Variants in CRPPA observed in about 807,000 individuals in gnomAD.
CRPPA encodes the protein CDP-L-ribitol pyrophosphorylase A.
In CRPPA, 43 loss-of-function variants were observed where a neutral mutation model predicts 52.0. The observed-to-expected ratio is 0.83, with a 90% CI of 0.65 to 1.07. The LOEUF is 1.07. CRPPA is among the 50% of genes least tolerant of loss of function. CRPPA has a pLI of 0.00. For missense variants in CRPPA, 629 were observed against 551.7 expected (o/e 1.14, Z -1.40); for synonymous variants, 250 against 203.5 (o/e 1.23, Z -1.94).
At chr7:16,113,837 T>C (rs777244263) in intron 9 of CRPPA, among the ~76,000 whole-genome samples, 1 of 151,924 alleles carries the variant, frequency 6.6e-6, no homozygotes, top group Non-Finnish European at 1.5e-5. Flanking sequence ...GTAACTCACA[T>C]GGAAGGAAAA....
chr7:16,220,969 A>G (rs1394318695), intron 8 of CRPPA, among the ~76,000 whole-genome samples: 2 of 152,094 alleles, frequency 1.3e-5, no homozygotes, highest in Non-Finnish European at 2.9e-5. Flanking sequence ...GGAACCAAAA[A>G]AGAGCCCGCA....
intron 8 of CRPPA, among the ~76,000 whole-genome samples, chr7:16,236,950 G>GCGCA (rs113087076): frequency 2.0e-3 from 293 of 149,688 alleles, no homozygotes; most frequent in African/African-American, 3.9e-3. Flanking sequence ...TCGTGCGCGC[G>GCGCA]CACACACACA....
At chr7:16,387,922 C>T (rs1787331931) in intron 2 of CRPPA, among the ~76,000 whole-genome samples, 1 of 152,140 alleles carries the variant, frequency 6.6e-6, no homozygotes, top group East Asian at 1.9e-4. Flanking sequence ...CAAAATCATA[C>T]CAAGTATAGT....
rs988983470 is a variant in CRPPA, at chr7:16,328,189, T to C, written c.685-19562A>G. Among the ~76,000 whole-genome samples the C allele has an allele frequency of 4.6e-5, 7 of 152,342 alleles. No homozygotes were observed. The East Asian group carries it at 1.4e-3, about 29-fold the overall frequency. On this transcript the variant is annotated intron_variant, in intron 3 of 9. Coordinates refer to ENST00000407010, the MANE Select transcript of CRPPA (RefSeq NM_001101426.4). ...GGATACTTAAGTCTTTTTATTTTCA[T>C]GGTTTCTCCTCCTGTAGTTTGTTGT...
intron 3 of CRPPA, among the ~76,000 whole-genome samples, chr7:16,346,195 G>A: frequency 6.6e-6 from 1 of 152,064 alleles, no homozygotes; most frequent in East Asian, 1.9e-4. Flanking sequence ...ACAAGATAAA[G>A]TCCCTGCCTT....
rs181106867 is a variant in CRPPA, at chr7:16,383,452, C to A, written c.535-7211G>T. The stretch of plus-strand genomic sequence containing the variant: ...TGCTTGGGGGTCAGGGGTCAGGGAC[C>A]CACTTGAGGAGGCAGTCTGCCCATT... On this transcript the variant is annotated intron_variant, in intron 2 of 9. Transcript: ENST00000407010. Among the ~76,000 whole-genome samples, 790 of 152,274 alleles carry A rather than the reference C, an allele frequency of 5.2e-3. 8 individuals carry two copies. The highest frequency in any genetic ancestry group is 6.1e-3 in the Non-Finnish European group (414 of 68,018).
intron 2 of CRPPA, among the ~76,000 whole-genome samples, chr7:16,390,336 C>T (rs919752995): frequency 6.6e-6 from 1 of 152,100 alleles, no homozygotes; most frequent in African/African-American, 2.4e-5. Context: ...TAAAGCCCAA[C>T]TCTGAATTAT....
At chr7:16,166,449 T>G (rs149567257) in intron 9 of CRPPA, among the ~76,000 whole-genome samples, 1 of 152,076 alleles carries the variant, frequency 6.6e-6, no homozygotes, top group Non-Finnish European at 1.5e-5. Flanking sequence ...CCAGCTAATA[T>G]TTGTATTTTT....
chr7:16,105,019 A>G (rs539126373), intron 9 of CRPPA, among the ~76,000 whole-genome samples: 1 of 152,312 alleles, frequency 6.6e-6, no homozygotes, highest in African/African-American at 2.4e-5. Context: ...TCAGGAGAAA[A>G]CAGTGAAAAC....
rs1583406531 is a variant in CRPPA, at chr7:16,171,711, T to C, written c.1251+44355A>G. Among the ~76,000 whole-genome samples the C allele has an allele frequency of 3.3e-5, 5 of 152,314 alleles. No homozygotes were observed. The South Asian group carries it at 1.0e-3, about 32-fold the overall frequency. On this transcript the variant is annotated intron_variant, in intron 9 of 9. Transcript: ENST00000407010. ...AGGAGGCTGAGGCAGGAGAACTGCGTGAACCCAGGAGGCGGAGCTTGCAGT... is the reference window on the plus strand; with the variant it reads ...AGGAGGCTGAGGCAGGAGAACTGCGCGAACCCAGGAGGCGGAGCTTGCAGT...
intron 3 of CRPPA, among the ~76,000 whole-genome samples, chr7:16,351,320 T>C (rs1479884973): frequency 6.6e-6 from 1 of 152,154 alleles, no homozygotes; most frequent in Non-Finnish European, 1.5e-5. Context: ...GAGGAAAACC[T>C]AGGTAATACC....
chr7:16,383,779 G>T (rs145863977), intron 2 of CRPPA, among the ~76,000 whole-genome samples: 1 of 152,256 alleles, frequency 6.6e-6, no homozygotes, highest in Non-Finnish European at 1.5e-5. Context: ...GAGACTCCAT[G>T]GGCGTAGGAC....
rs142897637 is a variant in CRPPA, at chr7:16,352,129, T to C, written c.684+23963A>G. 7.3e-3 allele frequency among the ~76,000 whole-genome samples: 1,114 copies of C among 152,188 alleles called. 16 individuals are homozygous for C. Among genetic ancestry groups the C allele is most frequent in the Non-Finnish European group, 0.011 (724 of 68,008 alleles). On this transcript the variant is annotated intron_variant, in intron 3 of 9. Transcript: ENST00000407010. ...TCCTTTGCAGGGACATGAATGAAAC[T>C]GGAAACCATCATTCTCAGCAAACTG...
At chr7:16,246,640 G>A (rs1783283530) in intron 8 of CRPPA, among the ~76,000 whole-genome samples, 1 of 152,204 alleles carries the variant, frequency 6.6e-6, no homozygotes, top group East Asian at 1.9e-4. Flanking sequence ...CAGATATAAA[G>A]TAACATTAAT....
At chr7:16,131,291 AG>A (rs1782676331) in intron 9 of CRPPA, among the ~76,000 whole-genome samples, 1 of 152,230 alleles carries the variant, frequency 6.6e-6, no homozygotes, top group African/African-American at 2.4e-5. Context: ...TAGAAGGAAA[AG>A]AGGAAAGCTA....
At chr7:16,355,591 A>C (rs562028888) in intron 3 of CRPPA, among the ~76,000 whole-genome samples, 2 of 152,340 alleles carry the variant, frequency 1.3e-5, no homozygotes, top group East Asian at 3.9e-4. Context: ...AAAGTGTTTT[A>C]GTCCAAACTC....
At chr7:16,314,961 A>G (rs1583512718) in intron 3 of CRPPA, among the ~76,000 whole-genome samples, 1 of 152,146 alleles carries the variant, frequency 6.6e-6, no homozygotes, top group South Asian at 2.1e-4. Flanking sequence ...TGTTACTTCA[A>G]ATACTGCTTC....
At chr7:16,136,679 G>A (rs750078152) in intron 9 of CRPPA, among the ~76,000 whole-genome samples, 10 of 152,108 alleles carry the variant, frequency 6.6e-5, no homozygotes, top group African/African-American at 1.7e-4. Context: ...TCTCCATTAC[G>A]TTAAGTATGT....
At position 16,286,072 on chromosome 7, in the gene CRPPA, T is replaced by TTTAAA. The variant is rs1562608567; in HGVS notation, c.836-7847_836-7846insTTTAA. Among the ~76,000 whole-genome samples, 102 of 20,596 alleles carry TTTAAA rather than the reference T, an allele frequency of 5.0e-3. 18 individuals carry two copies. The highest frequency in any genetic ancestry group is 0.032 in the African/African-American group (100 of 3,090). 13.5% of individuals were successfully genotyped at this position (20,596 alleles called of 152,430 possible). A position where few individuals can be genotyped will look rare whatever the true frequency, so the allele number is the denominator to read the frequency against. ...ATATATATATATATATATATATATA[T>TTTAAA]ATATATATAATATTTAAAAAAAAAA... On this transcript the variant is annotated intron_variant, in intron 5 of 9. Transcript: ENST00000407010.
Sources: gnomAD v4.1 joint callset for allele counts (sites outside exome capture counted in the v4.1 genomes callset) on GRCh38, gnomAD v4.1.1 for gene constraint, MANE v1.5 for transcripts, NCBI Gene and HGNC (gene_info 2026-07-23, HGNC 2026-07-21) for gene names.